The following CDYL2 variants were observed in gnomAD, a reference collection of about 807,000 sequenced individuals.
CDYL2 encodes chromodomain Y like 2, also known as chromodomain Y-like protein 2.
Under a neutral mutation model 49.4 loss-of-function variants are expected in CDYL2, and 23 were observed. The ratio of observed to expected loss-of-function variants is 0.47; its 90% CI spans 0.34 to 0.66. The LOEUF is 0.66. CDYL2 is among the 30% of genes least tolerant of loss of function. CDYL2 has a pLI of 0.01. For synonymous variants in CDYL2, 360 were observed against 268.8 expected, an observed-to-expected ratio of 1.34 and a Z score of -3.32; for missense variants, 678 against 656.4, an observed-to-expected ratio of 1.03 and a Z score of -0.36.
intron 1 of CDYL2, among the ~76,000 whole-genome samples, chr16:80,698,241 G>C (rs561871276): frequency 1.3e-5 from 2 of 152,192 alleles, no homozygotes; most frequent in Non-Finnish European, 2.9e-5. Flanking sequence ...GGCAACAAAA[G>C]CAAAAACAGA....
At chr16:80,661,791 G>C (rs1344306309) in intron 2 of CDYL2, among the ~76,000 whole-genome samples, 1 of 152,156 alleles carries the variant, frequency 6.6e-6, no homozygotes, top group Admixed American at 6.5e-5. Context: ...ATTTCACTAT[G>C]TTATCATCAT....
intron 1 of CDYL2, among the ~76,000 whole-genome samples, chr16:80,772,901 T>C (rs997325404): frequency 2.6e-5 from 4 of 151,626 alleles, no homozygotes; most frequent in African/African-American, 7.3e-5. Flanking sequence ...AATAGGAACA[T>C]AGAATAGGTG....
intron 1 of CDYL2, among the ~76,000 whole-genome samples, chr16:80,688,076 G>A (rs1021988115): frequency 2.6e-5 from 4 of 152,196 alleles, no homozygotes; most frequent in African/African-American, 9.7e-5. Context: ...AGGTTAGCAA[G>A]GGTGCAGGGT....
At chr16:80,733,519 A>T (rs925515586) in intron 1 of CDYL2, among the ~76,000 whole-genome samples, 1 of 152,130 alleles carries the variant, frequency 6.6e-6, no homozygotes, top group Non-Finnish European at 1.5e-5. Flanking sequence ...CTTTATACGC[A>T]GTAGGAAGCT....
rs1399778798 is a variant in CDYL2, at chr16:80,792,603, A to G, written c.24+11547T>C. On this transcript the variant is annotated intron_variant, in intron 1 of 6. Coordinates refer to ENST00000570137, the MANE Select transcript of CDYL2 (RefSeq NM_152342.4). ...AACAACCAAAAGTACAACCAAGGTG[A>G]CAGGTGTGTTCTGGGGATCCAGAGT... Among the ~76,000 whole-genome samples the G allele has an allele frequency of 5.3e-5, 8 of 152,192 alleles. 1 individual carries two copies. The highest frequency in any genetic ancestry group is 5.2e-4 in the Admixed American group (8 of 15,284).
intron 3 of CDYL2, among the ~76,000 whole-genome samples, chr16:80,624,709 G>A (rs183574041): frequency 9.2e-5 from 14 of 152,238 alleles, no homozygotes; most frequent in African/African-American, 3.1e-4. Flanking sequence ...TAATCACAGA[G>A]AGGAAAACAG....
chr16:80,804,255 G>A lies in CDYL2; in HGVS notation c.-82C>T, dbSNP rs958306824. 4.8e-6 allele frequency: 6 copies of A among 1,253,968 alleles called. No individual in the cohort carries two copies. In the African/African-American group the frequency reaches 6.5e-5, roughly 14 times the overall value. The allele number at this position is 1,253,968 out of a possible 1,614,324, so 77.7% of individuals were successfully genotyped here. On this transcript the variant is annotated 5_prime_UTR_variant, in exon 1 of 7. Coordinates refer to ENST00000570137, the MANE Select transcript of CDYL2 (RefSeq NM_152342.4). ...TGCGTGTGCGCGCGGGGTCCGGTGT[G>A]CGCGTGTGTGTGCGCGCGTGTGTGT... is the stretch of plus-strand genomic sequence containing the variant.
chr16:80,707,776 G>A (rs911947150), intron 1 of CDYL2, among the ~76,000 whole-genome samples: 1 of 152,166 alleles, frequency 6.6e-6, no homozygotes, highest in Non-Finnish European at 1.5e-5. Flanking sequence ...TAAGTGAGGG[G>A]AATACAGTTT....
At chr16:80,732,862 A>C (rs1415821639) in intron 1 of CDYL2, among the ~76,000 whole-genome samples, 1 of 123,916 alleles carries the variant, frequency 8.1e-6, no homozygotes, top group Non-Finnish European at 2.0e-5. Context: ...AACCTCTCTA[A>C]ACAAGGGTCA....
In CDYL2 at chr16:80,612,902, G is replaced by C. The variant is rs1906666738; in HGVS notation, c.1008-66C>G. 2.0e-5 allele frequency: 28 copies of C among 1,432,226 alleles called. No individual in the cohort carries two copies. In the South Asian group the frequency reaches 3.8e-4, roughly 19 times the overall value. 88.7% of individuals were successfully genotyped at this position (1,432,226 alleles called of 1,614,324 possible). A position where few individuals can be genotyped will look rare whatever the true frequency, so the allele number is the denominator to read the frequency against. On this transcript the variant is annotated intron_variant, in intron 4 of 6. Transcript: ENST00000570137. The surrounding 1 kb of genome is among the most constrained non-coding windows in gnomAD (Gnocchi z 5.0). ...CATGCTAAGCCCCACTGGAACCCTT[G>C]ACTCTCCCAGGTGCTGTGAGGAGCA...
intron 2 of CDYL2, among the ~76,000 whole-genome samples, chr16:80,679,273 T>TATAA (rs1209657716): frequency 7.1e-5 from 8 of 112,620 alleles, no homozygotes; most frequent in South Asian, 3.0e-4. Context: ...AATAAAAATA[T>TATAA]ATAAATAAAT....
chr16:80,788,056 G>A (rs746675035), intron 1 of CDYL2, among the ~76,000 whole-genome samples: 1 of 151,936 alleles, frequency 6.6e-6, no homozygotes, highest in Non-Finnish European at 1.5e-5. Flanking sequence ...AATTCCAACC[G>A]TGAAGGAATG....
At chr16:80,636,573 G>A (rs1474950641) in intron 2 of CDYL2, among the ~76,000 whole-genome samples, 1 of 152,242 alleles carries the variant, frequency 6.6e-6, no homozygotes, top group African/African-American at 2.4e-5. Flanking sequence ...TGGAGAGGAT[G>A]TGGAGAAATA....
chr16:80,668,098 C>T (rs1909345040), intron 2 of CDYL2, among the ~76,000 whole-genome samples: 1 of 152,232 alleles, frequency 6.6e-6, no homozygotes. Context: ...GGAGCAGGTC[C>T]CTTTGTAGGC....
chr16:80,670,061 C>A (rs979114010), intron 2 of CDYL2, among the ~76,000 whole-genome samples: 14 of 152,204 alleles, frequency 9.2e-5, no homozygotes, highest in Admixed American at 4.6e-4. Context: ...TAGCTCATGC[C>A]ACTGGTGGGC....
intron 4 of CDYL2, among the ~76,000 whole-genome samples, chr16:80,615,020 G>C (rs929547816): frequency 6.6e-6 from 1 of 152,140 alleles, no homozygotes; most frequent in African/African-American, 2.4e-5. Flanking sequence ...GTTCTGCGGG[G>C]GTAGAAGGTA....
chr16:80,622,736 C>G (rs1455403411), intron 3 of CDYL2, among the ~76,000 whole-genome samples: 2 of 152,114 alleles, frequency 1.3e-5, no homozygotes, highest in Non-Finnish European at 2.9e-5. Flanking sequence ...TCAAAAGGCA[C>G]CTGTGAAAAC....
chr16:80,709,958 C>G (rs1904538300), intron 1 of CDYL2, among the ~76,000 whole-genome samples: 1 of 148,322 alleles, frequency 6.7e-6, no homozygotes, highest in South Asian at 2.1e-4. Flanking sequence ...CATGGAGTTT[C>G]ACTCTTTCGC....
intron 3 of CDYL2, among the ~76,000 whole-genome samples, chr16:80,626,101 G>A (rs1219178785): frequency 1.3e-5 from 2 of 150,678 alleles, no homozygotes; most frequent in Non-Finnish European, 3.0e-5. Context: ...GCCAGCCTGG[G>A]CAACATGATG....
Sources: allele counts gnomAD v4.1 joint callset (sites outside exome capture counted in the v4.1 genomes callset), GRCh38; gene constraint gnomAD v4.1.1; non-coding constraint Gnocchi (gnomAD v3.1); transcripts MANE v1.5; gene names NCBI Gene and HGNC (gene_info 2026-07-23, HGNC 2026-07-21).